The following NRG3 variants were observed in gnomAD, a reference collection of about 807,000 sequenced individuals.
NRG3 encodes the protein pro-neuregulin-3, membrane-bound isoform.
Under a neutral mutation model 66.9 loss-of-function variants are expected in NRG3, and 31 were observed. The observed-to-expected ratio is 0.46, with a 90% CI of 0.35 to 0.63. The LOEUF is 0.63. Ranked by LOEUF, NRG3 falls within the 20% of genes least tolerant of loss-of-function variation. The pLI is 0.00. For synonymous variants in NRG3, 393 were observed against 359.4 expected, an observed-to-expected ratio of 1.09 and a Z score of -1.06; for missense variants, 910 against 878.9, an observed-to-expected ratio of 1.04 and a Z score of -0.45.
At chr10:82,317,533 G>C (rs183953982) in intron 1 of NRG3, among the ~76,000 whole-genome samples, 1 of 152,244 alleles carries the variant, frequency 6.6e-6, no homozygotes, top group African/African-American at 2.4e-5. Context: ...CTGTGCTGCT[G>C]CTCACTGATT....
chr10:82,574,989 G>A (rs1241126452), intron 2 of NRG3, among the ~76,000 whole-genome samples: 2 of 151,612 alleles, frequency 1.3e-5, no homozygotes, highest in Non-Finnish European at 3.0e-5. Context: ...GAAAGAATGA[G>A]TTCAAAAGAT....
At chr10:82,463,144 C>T (rs1413283421) in intron 2 of NRG3, among the ~76,000 whole-genome samples, 1 of 152,184 alleles carries the variant, frequency 6.6e-6, no homozygotes, top group Non-Finnish European at 1.5e-5. Context: ...AACTGGCTTG[C>T]CCTCTGAGCA....
Position 82,049,132 on chromosome 10 carries a change from G to T in NRG3, c.823+172969G>T, listed in dbSNP as rs191535770. On this transcript the variant is annotated intron_variant, in intron 1 of 8. Coordinates refer to ENST00000372141, the MANE Select transcript of NRG3 (RefSeq NM_001010848.4). The stretch of plus-strand genomic sequence containing the variant: ...TGACATGCTTTTTCATTTATTCTTC[G>T]TACGGTATAGGAAGAATAAGTATAT... 1.4e-3 allele frequency among the ~76,000 whole-genome samples: 207 copies of T among 152,126 alleles called. No homozygotes were observed. In the East Asian group the frequency reaches 0.03, roughly 22 times the overall value.
At chr10:82,682,597 C>A (rs1464470542) in intron 2 of NRG3, among the ~76,000 whole-genome samples, 1 of 152,132 alleles carries the variant, frequency 6.6e-6, no homozygotes, top group Non-Finnish European at 1.5e-5. Context: ...TTATGGGCAA[C>A]AACTGCTGAA....
At chr10:82,327,310 T>A (rs2081923400) in intron 1 of NRG3, among the ~76,000 whole-genome samples, 1 of 152,190 alleles carries the variant, frequency 6.6e-6, no homozygotes, top group Non-Finnish European at 1.5e-5. Flanking sequence ...GCCACTGTAC[T>A]ACTGGACATG....
intron 1 of NRG3, among the ~76,000 whole-genome samples, chr10:82,129,031 G>C (rs996494405): frequency 1.3e-5 from 2 of 151,894 alleles, no homozygotes; most frequent in African/African-American, 4.8e-5. Context: ...TCCTGTCTCA[G>C]CCTCGCAAGT....
At chr10:82,431,615 A>C (rs1251706922) in intron 2 of NRG3, among the ~76,000 whole-genome samples, 1 of 152,176 alleles carries the variant, frequency 6.6e-6, no homozygotes, top group African/African-American at 2.4e-5. Context: ...AAGTGCTTTC[A>C]AGTCTACAAC....
intron 1 of NRG3, among the ~76,000 whole-genome samples, chr10:82,318,034 G>C (rs1410353895): frequency 6.6e-6 from 1 of 151,982 alleles, no homozygotes; most frequent in Non-Finnish European, 1.5e-5. Context: ...AGACAAAATG[G>C]GGCAGGGGAA....
At position 82,061,649 on chromosome 10, in the gene NRG3, T is replaced by A. The variant is rs567062405; in HGVS notation, c.823+185486T>A. 2.2e-4 allele frequency among the ~76,000 whole-genome samples: 34 copies of A among 152,236 alleles called. No individual in the cohort carries two copies. In the South Asian group the frequency reaches 7.0e-3, roughly 32 times the overall value. On this transcript the variant is annotated intron_variant, in intron 1 of 8. Coordinates refer to ENST00000372141, the MANE Select transcript of NRG3 (RefSeq NM_001010848.4). ...AATCCACTTGCATGTGTTTGTAGAG[T>A]GAGCTCAGTGAATGCTGGGGTATCA...
chr10:82,567,816 G>A (rs2045503810), intron 2 of NRG3, among the ~76,000 whole-genome samples: 1 of 151,594 alleles, frequency 6.6e-6, no homozygotes, highest in African/African-American at 2.4e-5. Flanking sequence ...TTTCTTTAAT[G>A]AAGGCCCTCA....
chr10:82,163,492 A>G (rs1276850309), intron 1 of NRG3, among the ~76,000 whole-genome samples: 1 of 152,198 alleles, frequency 6.6e-6, no homozygotes, highest in East Asian at 1.9e-4. Context: ...GTCCTTGAGG[A>G]CTTAGATTTT....
chr10:82,115,407 C>T (rs2067647848), intron 1 of NRG3, among the ~76,000 whole-genome samples: 1 of 152,100 alleles, frequency 6.6e-6, no homozygotes, highest in African/African-American at 2.4e-5. Flanking sequence ...AAACTTGTAT[C>T]AAAAATCCCA....
At chr10:82,963,041 A>G (rs1850822651) in intron 6 of NRG3, among the ~76,000 whole-genome samples, 1 of 152,146 alleles carries the variant, frequency 6.6e-6, no homozygotes, top group Admixed American at 6.5e-5. Flanking sequence ...TTCAAAGGTT[A>G]GTGGAGAGAA....
Position 82,916,861 on chromosome 10 carries a change from C to A in NRG3, c.1055-34608C>A, listed in dbSNP as rs190016259. Among the ~76,000 whole-genome samples the A allele has an allele frequency of 4.6e-5, 7 of 152,328 alleles. No individual in the cohort carries two copies. In the East Asian group the frequency reaches 1.4e-3, roughly 29 times the overall value. ...AAACTCCTGACCTCAAGTGACCCAC[C>A]TGCCTCAGCCTCCCAAAGTGCTGGG... On this transcript the variant is annotated intron_variant, in intron 4 of 8. Transcript: ENST00000372141.
At chr10:81,950,842 A>G (rs1849285070) in intron 1 of NRG3, among the ~76,000 whole-genome samples, 1 of 152,188 alleles carries the variant, frequency 6.6e-6, no homozygotes, top group Non-Finnish European at 1.5e-5. Context: ...ATCTTTTGCT[A>G]ACATTTTCCT....
intron 1 of NRG3, among the ~76,000 whole-genome samples, chr10:81,991,354 C>A (rs941899377): frequency 6.6e-6 from 1 of 152,086 alleles, no homozygotes; most frequent in Admixed American, 6.6e-5. Context: ...AATTGTAGAT[C>A]ATAGAACTTG....
At chr10:82,067,917 A>C (rs1589985166) in intron 1 of NRG3, among the ~76,000 whole-genome samples, 1 of 152,228 alleles carries the variant, frequency 6.6e-6, no homozygotes, top group South Asian at 2.1e-4. Flanking sequence ...ACAAAAATCA[A>C]GTTTATAATT....
intron 1 of NRG3, among the ~76,000 whole-genome samples, chr10:82,190,599 G>C (rs2074082423): frequency 6.6e-6 from 1 of 152,150 alleles, no homozygotes. Context: ...TTGGGAGATA[G>C]TGGTTTCACT....
chr10:81,945,167 A>G (rs935016740), intron 1 of NRG3, among the ~76,000 whole-genome samples: 2 of 151,708 alleles, frequency 1.3e-5, no homozygotes, highest in African/African-American at 2.4e-5. Context: ...ATTGGACCTT[A>G]TTTTGTCCAT....
Sources: allele counts gnomAD v4.1 joint callset (sites outside exome capture counted in the v4.1 genomes callset), GRCh38; gene constraint gnomAD v4.1.1; transcripts MANE v1.5; gene names NCBI Gene and HGNC (gene_info 2026-07-23, HGNC 2026-07-21).